Variants in MADD observed in about 807,000 individuals in gnomAD.
MADD encodes the protein MAP kinase activating death domain, also known as MAP kinase-activating death domain protein.
MADD carries 109 observed loss-of-function variants against 176.7 expected under a neutral mutation model. The observed-to-expected ratio is 0.62, with a 90% CI of 0.53 to 0.72. The LOEUF is 0.72. MADD is among the 30% of genes least tolerant of loss of function. The pLI is 0.00. For synonymous variants in MADD, 771 were observed against 771.3 expected, an observed-to-expected ratio of 1.00 and a Z score of 0.01; for missense variants, 1,914 against 2,045.5, an observed-to-expected ratio of 0.94 and a Z score of 1.24.
intron 22 of MADD, among the ~76,000 whole-genome samples, chr11:47,297,789 CT>C (rs35063043): frequency 0.036 from 4,117 of 113,318 alleles, 71 homozygotes; most frequent in South Asian, 0.12. Context: ...TTCTTTCTTT[CT>C]TTTTTTTTTT....
At chr11:47,286,304 A>T in intron 14 of MADD, 129 bp from the exon 15 acceptor site, 1 of 715,932 alleles carries the variant, frequency 1.4e-6, no homozygotes, top group Non-Finnish European at 2.5e-6. Flanking sequence ...GACAGATCAG[A>T]GATGATCTGA....
At chr11:47,318,421 C>T (rs2093659663) in intron 27 of MADD, among the ~76,000 whole-genome samples, 1 of 152,136 alleles carries the variant, frequency 6.6e-6, no homozygotes, top group Non-Finnish European at 1.5e-5. Context: ...TTCATGTCAC[C>T]CTTTAAAGTG....
intron 16 of MADD, among the ~76,000 whole-genome samples, 184 bp from the exon 18 acceptor site, chr11:47,289,683 A>G (rs1410833489): frequency 3.3e-5 from 5 of 152,192 alleles, no homozygotes; most frequent in Non-Finnish European, 7.3e-5. Flanking sequence ...AGGGGGGTTA[A>G]TCAGCAGCGG....
intron 21 of MADD, 79 bp from the exon 24 acceptor site, chr11:47,295,818 T>G: frequency 6.5e-7 from 1 of 1,542,518 alleles, no homozygotes; most frequent in African/African-American, 1.4e-5. Flanking sequence ...TTTTTTATGG[T>G]GGCAGGGAGC....
exon 10 of MADD, chr11:47,282,814 T>G: frequency 6.2e-7 from 1 of 1,613,506 alleles, no homozygotes; most frequent in East Asian, 2.2e-5. Flanking sequence ...ATGGGGTAGA[T>G]ATGTTTGATC....
chr11:47,296,034 C>A, exon 22 of MADD: 1 of 1,614,022 alleles, frequency 6.2e-7, no homozygotes, highest in South Asian at 1.1e-5. Context: ...TTGAGACCAA[C>A]TCTGCCACAA....
At chr11:47,289,105 C>T in intron 15 of MADD, 78 bp downstream of exon 16, 2 of 1,387,066 alleles carry the variant, frequency 1.4e-6, no homozygotes, top group African/African-American at 1.5e-5. Flanking sequence ...GGCCATCCTT[C>T]TCATGGAGCA....
intron 20 of MADD, 70 bp from the exon 23 acceptor site, chr11:47,295,426 G>GTA: frequency 7.9e-7 from 1 of 1,262,576 alleles, no homozygotes. Context: ...AAAGAAAAAG[G>GTA]TACAGTATTT....
intron 22 of MADD, among the ~76,000 whole-genome samples, chr11:47,301,592 C>T (rs575999065): frequency 1.6e-3 from 244 of 152,150 alleles, no homozygotes; most frequent in African/African-American, 5.8e-3. Context: ...CTTAATACTG[C>T]TTTTGGTGTA....
At position 47,329,039 on chromosome 11, in the gene MADD, C is replaced by T. The variant is rs189035005; in HGVS notation, c.4660-7C>T. The T allele has an allele frequency of 2.3e-4, 364 of 1,609,420 alleles. No individual in the cohort carries two copies. The African/African-American group carries it at 4.3e-3, about 19-fold the overall frequency. Reference sequence around the variant, plus strand: ...TATCGTGATCCGCCTGGTTTTCTCTCCTCTAGGCCCACGAAATCTGCTACT... The same window carrying T: ...TATCGTGATCCGCCTGGTTTTCTCTTCTCTAGGCCCACGAAATCTGCTACT... On this transcript the variant is annotated splice_region_variant and splice_polypyrimidine_tract_variant and intron_variant, in intron 32 of 32. Transcript: ENST00000402192.
At chr11:47,324,235 T>C (rs2095074844) in intron 28 of MADD, 30 bp from the exon 32 acceptor site, 1 of 1,609,124 alleles carries the variant, frequency 6.2e-7, no homozygotes, top group Non-Finnish European at 8.5e-7. Context: ...ACAGCCCTCA[T>C]GATGGGACCA....
At chr11:47,276,603 G>C in intron 4 of MADD, 129 bp from the exon 5 acceptor site, 4 of 1,075,942 alleles carry the variant, frequency 3.7e-6, no homozygotes, top group Non-Finnish European at 5.5e-6. Context: ...GGGGCAGGGG[G>C]CAGTGGGAGA....
At chr11:47,274,949 C>A (rs757187543) in exon 3 of MADD, 1 of 1,613,994 alleles carries the variant, frequency 6.2e-7, no homozygotes, top group African/African-American at 1.3e-5. Context: ...GCTGACTCTA[C>A]CCCTGATGTG....
Position 47,295,584 on chromosome 11 carries a change from G to A in MADD, c.3483+8G>A, listed in dbSNP as rs367746198. The A allele has an allele frequency of 3.1e-6, 5 of 1,614,000 alleles. No homozygotes were observed. The highest frequency in any genetic ancestry group is 1.3e-5 in the African/African-American group (1 of 75,000). On this transcript the variant is annotated splice_region_variant and intron_variant, in intron 21 of 32. Transcript: ENST00000402192. Reference sequence around the variant, plus strand: ...GATTCTGAAGTTAGCACCGTGGTAGGGGAACACCACACTGGCATCTTGGTG... The same window carrying A: ...GATTCTGAAGTTAGCACCGTGGTAGAGGAACACCACACTGGCATCTTGGTG...
At chr11:47,288,868 T>C (rs2062873373) in intron 15 of MADD, 100 bp from the exon 16 acceptor site, 1 of 899,890 alleles carries the variant, frequency 1.1e-6, no homozygotes, top group Non-Finnish European at 1.7e-6. Context: ...TTCCTCAAGC[T>C]TTGGGAGAAT....
exon 9 of MADD, chr11:47,282,447 C>G (rs368312898): frequency 2.2e-5 from 35 of 1,614,062 alleles, no homozygotes; most frequent in Middle Eastern, 1.6e-4. Flanking sequence ...ACACGCGTAC[C>G]CTGCGCCTCT....
At chr11:47,326,910 T>C (rs558025372) in intron 31 of MADD, 103 bp downstream of exon 35, 1 of 1,541,672 alleles carries the variant, frequency 6.5e-7, no homozygotes, top group South Asian at 1.3e-5. Flanking sequence ...AGAACCTCTG[T>C]AGAGAAGTCA....
chr11:47,301,488 G>A (rs1055177504), intron 22 of MADD, among the ~76,000 whole-genome samples: 2 of 152,120 alleles, frequency 1.3e-5, no homozygotes, highest in African/African-American at 4.8e-5. Context: ...GGTTTGGTTT[G>A]TTCTTGCTTT....
chr11:47,290,323 C>G, intron 18 of MADD, 24 bp downstream of exon 19: 1 of 1,607,862 alleles, frequency 6.2e-7, no homozygotes, highest in South Asian at 1.1e-5. Flanking sequence ...TTGCTGGGCA[C>G]CACGCCATCC....
Sources: allele counts gnomAD v4.1 joint callset (sites outside exome capture counted in the v4.1 genomes callset), GRCh38; gene constraint gnomAD v4.1.1; transcripts MANE v1.5; gene names NCBI Gene and HGNC (gene_info 2026-07-23, HGNC 2026-07-21).